CHRM5: variants seen among roughly 807,000 people sequenced by gnomAD.
CHRM5 encodes the protein muscarinic acetylcholine receptor M5.
CHRM5 carries 18 observed loss-of-function variants against 39.0 expected under a neutral mutation model. The observed-to-expected ratio is 0.46, with a 90% CI of 0.32 to 0.68. The LOEUF (loss-of-function observed/expected upper bound fraction) is 0.68. Ranked by LOEUF, CHRM5 falls within the 30% of genes least tolerant of loss-of-function variation. CHRM5 has a pLI of 0.04. For synonymous variants in CHRM5, 241 were observed against 246.3 expected (o/e 0.98, Z 0.20); for missense variants, 515 against 651.1 (o/e 0.79, Z 2.28).
intron 2 of CHRM5, among the ~76,000 whole-genome samples, chr15:34,054,850 T>A (rs555153197): frequency 6.6e-6 from 1 of 151,600 alleles, no homozygotes; most frequent in East Asian, 1.9e-4. Context: ...AGATAAATGT[T>A]GGGAAAAAAA....
intron 1 of CHRM5, among the ~76,000 whole-genome samples, chr15:33,994,895 A>T (rs76478232): frequency 0.016 from 2,386 of 152,324 alleles, 64 homozygotes; most frequent in African/African-American, 0.053. Flanking sequence ...GAAGAAAAAA[A>T]TAACATACAG....
chr15:34,043,654 G>C (rs1285333894), intron 1 of CHRM5, among the ~76,000 whole-genome samples: 1 of 152,084 alleles, frequency 6.6e-6, no homozygotes, highest in Non-Finnish European at 1.5e-5. Context: ...AAGTCATAAG[G>C]GTACTTTGAC....
At chr15:33,994,816 G>A (rs535951584) in intron 1 of CHRM5, among the ~76,000 whole-genome samples, 3 of 152,198 alleles carry the variant, frequency 2.0e-5, no homozygotes, top group African/African-American at 7.2e-5. Flanking sequence ...AGATAAAGGT[G>A]TACTCTTAGA....
chr15:34,038,717 C>G lies in CHRM5; in HGVS notation c.-407-7823C>G, dbSNP rs1483713776. The G allele has an allele frequency of 4.5e-6, 5 of 1,120,496 alleles. No homozygotes were observed. In the South Asian group the frequency reaches 1.8e-4, roughly 39 times the overall value. The allele number at this position is 1,120,496 out of a possible 1,614,324, so 69.4% of individuals were successfully genotyped here. A position where few individuals can be genotyped will look rare whatever the true frequency, so the allele number is the denominator to read the frequency against. ...ACGCTCTCTTGCGGCTCTTGACTGGCGGCCTCGGCCCCACTTGCCCCAGTT... is the reference window on the plus strand; with the variant it reads ...ACGCTCTCTTGCGGCTCTTGACTGGGGGCCTCGGCCCCACTTGCCCCAGTT... On this transcript the variant is annotated intron_variant, in intron 1 of 2. Coordinates refer to ENST00000383263, the MANE Select transcript of CHRM5 (RefSeq NM_012125.4).
At chr15:34,053,299 C>CAAAA (rs71454513) in intron 2 of CHRM5, among the ~76,000 whole-genome samples, 160 of 51,530 alleles carry the variant, frequency 3.1e-3, no homozygotes, top group African/African-American at 5.5e-3. Flanking sequence ...GACTCCATCT[C>CAAAA]AAAAAAAAAA....
intron 1 of CHRM5, among the ~76,000 whole-genome samples, chr15:34,010,036 A>G (rs182996405): frequency 2.0e-5 from 3 of 152,274 alleles, no homozygotes; most frequent in African/African-American, 7.2e-5. Flanking sequence ...TTCACAATAT[A>G]TGAAGCAAAA....
At chr15:33,998,516 G>A (rs1369014318) in intron 1 of CHRM5, among the ~76,000 whole-genome samples, 1 of 152,030 alleles carries the variant, frequency 6.6e-6, no homozygotes, top group Admixed American at 6.6e-5. Context: ...TCTCCCACCA[G>A]CCCATTATTC....
At chr15:34,031,419 C>T (rs1418681059) in intron 1 of CHRM5, among the ~76,000 whole-genome samples, 1 of 151,970 alleles carries the variant, frequency 6.6e-6, no homozygotes, top group Non-Finnish European at 1.5e-5. Flanking sequence ...AGGTGATCTG[C>T]CTGCCTCAGC....
At chr15:34,015,505 AT>A (rs1243197276) in intron 1 of CHRM5, among the ~76,000 whole-genome samples, 1 of 152,168 alleles carries the variant, frequency 6.6e-6, no homozygotes, top group Non-Finnish European at 1.5e-5. Context: ...AAATAAAAAA[AT>A]TCCACAAAAT....
At chr15:33,998,588 C>T (rs769407415) in intron 1 of CHRM5, among the ~76,000 whole-genome samples, 1 of 152,214 alleles carries the variant, frequency 6.6e-6, no homozygotes, top group Non-Finnish European at 1.5e-5. Flanking sequence ...TCTCAAACAT[C>T]TCTTCCCACA....
At chr15:34,045,221 C>T (rs1899642055) in intron 1 of CHRM5, among the ~76,000 whole-genome samples, 2 of 152,024 alleles carry the variant, frequency 1.3e-5, no homozygotes, top group African/African-American at 4.8e-5. Context: ...TTTTATATGC[C>T]CCACAGCAGC....
intron 2 of CHRM5, among the ~76,000 whole-genome samples, chr15:34,056,626 A>C (rs1320289423): frequency 6.6e-6 from 1 of 152,220 alleles, no homozygotes; most frequent in Non-Finnish European, 1.5e-5. Flanking sequence ...GTCTATGAGC[A>C]GACTCTGAGG....
Position 33,968,794 on chromosome 15 carries a change from AG to A in CHRM5, c.-759del, listed in dbSNP as rs1245509466. The A allele has an allele frequency of 1.5e-4, 23 of 152,104 alleles. No homozygotes were observed. The highest frequency in any genetic ancestry group is 1.3e-3 in the Admixed American group (20 of 15,258). The allele number at this position is 152,104 out of a possible 1,614,324, so 9.4% of individuals were successfully genotyped here. Reference sequence around the variant, plus strand: ...AAATACGAACAAGCAGAACTTTTCCAGGGGGTCAAATGCATATAGGAACAAC... The same window carrying A: ...AAATACGAACAAGCAGAACTTTTCCAGGGGTCAAATGCATATAGGAACAAC... On this transcript the variant is annotated 5_prime_UTR_variant, in exon 1 of 3. Transcript: ENST00000383263.
intron 2 of CHRM5, among the ~76,000 whole-genome samples, chr15:34,054,073 A>T (rs1453904977): frequency 6.6e-6 from 1 of 152,266 alleles, no homozygotes; most frequent in African/African-American, 2.4e-5. Flanking sequence ...AAAACGTGAA[A>T]AAAAAACTCA....
intron 2 of CHRM5, among the ~76,000 whole-genome samples, chr15:34,049,118 T>A (rs1229244953): frequency 1.3e-5 from 2 of 152,278 alleles, no homozygotes; most frequent in Non-Finnish European, 2.9e-5. Context: ...ACAAAAATGC[T>A]GAAAACTCAA....
intron 2 of CHRM5, among the ~76,000 whole-genome samples, chr15:34,057,318 A>AT: frequency 1.1e-5 from 1 of 89,648 alleles, no homozygotes; most frequent in East Asian, 3.0e-4. Flanking sequence ...TTTTTTTTGT[A>AT]TTTTTAGTAG....
intron 1 of CHRM5, among the ~76,000 whole-genome samples, chr15:34,016,852 C>T (rs1174664669): frequency 1.3e-5 from 2 of 152,120 alleles, no homozygotes; most frequent in African/African-American, 2.4e-5. Flanking sequence ...CCAACACCCA[C>T]GTGTGGTGGC....
chr15:34,063,035 G>T lies in CHRM5; in HGVS notation c.318G>T (p.Trp106Cys). The stretch of plus-strand genomic sequence containing the variant: ...TCGGGAGTCTGGCTTGTGACCTTTG[G>T]CTTGCACTGGACTACGTGGCCAGCA... Reference protein sequence around the residue: ...WALGSLACDLWLALDYVASNA... With the variant: ...WALGSLACDLCLALDYVASNA... The change falls in exon 3 of 3, where the codon TGG (tryptophan) becomes TGT (cysteine). Residue 106 changes from tryptophan to cysteine, a missense_variant. Physicochemically the swap from Trp to Cys is radical, Grantham distance 215. Coordinates refer to ENST00000383263, the MANE Select transcript of CHRM5 (RefSeq NM_012125.4). This position sits in a 1 kb window ranked among gnomAD's most constrained non-coding sequence, Gnocchi z 4.1. 1 of 1,614,212 alleles carries T rather than the reference G, an allele frequency of 6.2e-7. No individual in the cohort carries two copies. Among genetic ancestry groups the T allele is most frequent in the Non-Finnish European group, 8.5e-7 (1 of 1,180,034 alleles).
intron 1 of CHRM5, among the ~76,000 whole-genome samples, chr15:34,043,507 T>C (rs1289119010): frequency 6.6e-6 from 1 of 152,200 alleles, no homozygotes; most frequent in East Asian, 1.9e-4. Context: ...TATGTTGTTT[T>C]GAACAGCTCC....
Sources: gnomAD v4.1 joint callset for allele counts (sites outside exome capture counted in the v4.1 genomes callset) on GRCh38, gnomAD v4.1.1 for gene constraint, Gnocchi (gnomAD v3.1) non-coding constraint, MANE v1.5 for transcripts, NCBI Gene and HGNC (gene_info 2026-07-23, HGNC 2026-07-21) for gene names.